KHDRBS2: variants seen among roughly 807,000 people sequenced by gnomAD.
KHDRBS2 encodes KH domain-containing, RNA-binding, signal transduction-associated protein 2.
In KHDRBS2, 26 loss-of-function variants were observed where a neutral mutation model predicts 44.3. The observed-to-expected ratio is 0.59, with a 90% CI of 0.43 to 0.81. The LOEUF (loss-of-function observed/expected upper bound fraction) is 0.81, where lower values mean the gene tolerates loss of function less well. Ranked by LOEUF, KHDRBS2 falls within the 40% of genes least tolerant of loss-of-function variation. The pLI is 0.00. For missense variants in KHDRBS2, 476 were observed against 433.1 expected, an observed-to-expected ratio of 1.10 and a Z score of -0.88; for synonymous variants, 194 against 151.1, an observed-to-expected ratio of 1.28 and a Z score of -2.08.
At chr6:61,580,247 G>T in the KHDRBS2 span, among the ~76,000 whole-genome samples, 1 of 152,156 alleles carries the variant, frequency 6.6e-6, no homozygotes, top group South Asian at 2.1e-4. Context: ...TGGGCTTCTG[G>T]CATGGGTTGG....
chr6:61,744,438 T>C (rs6912182), intron 6 of KHDRBS2, among the ~76,000 whole-genome samples: 115,398 of 152,018 alleles, frequency 0.76, 44,266 homozygotes, highest in African/African-American at 0.85. Context: ...TAGCTGCAAG[T>C]GCAGTCCTGA....
At chr6:61,602,429 C>T in the KHDRBS2 span, among the ~76,000 whole-genome samples, 3 of 152,154 alleles carry the variant, frequency 2.0e-5, no homozygotes, top group Non-Finnish European at 4.4e-5. Flanking sequence ...CAGGATTCCT[C>T]CTAAGCTGTG....
intron 1 of KHDRBS2, among the ~76,000 whole-genome samples, chr6:62,208,212 T>C (rs1207063080): frequency 1.3e-5 from 2 of 152,148 alleles, no homozygotes; most frequent in African/African-American, 4.8e-5. Flanking sequence ...AATGGCAATA[T>C]CTACAAATTT....
At chr6:61,899,738 C>CCCCA (rs1803599067) in intron 5 of KHDRBS2, among the ~76,000 whole-genome samples, 1 of 139,254 alleles carries the variant, frequency 7.2e-6, no homozygotes, top group Non-Finnish European at 1.6e-5. Flanking sequence ...TTAATGCCCC[C>CCCCA]CCCCCGCATT....
At chr6:62,008,642 T>A (rs1779716530) in intron 3 of KHDRBS2, among the ~76,000 whole-genome samples, 1 of 152,178 alleles carries the variant, frequency 6.6e-6, no homozygotes, top group African/African-American at 2.4e-5. Context: ...GCTCCCATAA[T>A]TCCCATGTGT....
At chr6:61,968,286 G>T (rs1473298517) in intron 4 of KHDRBS2, among the ~76,000 whole-genome samples, 3 of 151,858 alleles carry the variant, frequency 2.0e-5, no homozygotes, top group Non-Finnish European at 4.4e-5. Context: ...TTCTAGATAT[G>T]AGAGTATTCC....
At chr6:61,554,096 G>T in the KHDRBS2 span, among the ~76,000 whole-genome samples, 1 of 152,020 alleles carries the variant, frequency 6.6e-6, no homozygotes, top group Non-Finnish European at 1.5e-5. Flanking sequence ...ATTGCTATTG[G>T]GGTGTTAAAG....
rs368951385 is a variant in KHDRBS2 at position 61,955,454 on chromosome 6, A to G, written c.483+22612T>C. On this transcript the variant is annotated intron_variant, in intron 4 of 8. Coordinates refer to ENST00000281156, the MANE Select transcript of KHDRBS2 (RefSeq NM_152688.4). ...TATGTGTATGTATACATATGTGTAT[A>G]TATACATATGTGTATATATACACAT... Among the ~76,000 whole-genome samples, 3 of 57,404 alleles carry G rather than the reference A, an allele frequency of 5.2e-5. 1 individual carries two copies. Among genetic ancestry groups the G allele is most frequent in the East Asian group, 6.9e-4 (1 of 1,440 alleles). 37.7% of individuals were successfully genotyped at this position (57,404 alleles called of 152,430 possible). A position where few individuals can be genotyped will look rare whatever the true frequency, so the allele number is the denominator to read the frequency against.
chr6:62,051,065 T>C (rs1217659977), intron 2 of KHDRBS2, among the ~76,000 whole-genome samples: 2 of 152,016 alleles, frequency 1.3e-5, no homozygotes, highest in Admixed American at 6.6e-5. Flanking sequence ...AAATAATATA[T>C]GGTGTTAGAC....
At chr6:62,272,198 C>T (rs1229732399) in intron 1 of KHDRBS2, among the ~76,000 whole-genome samples, 1 of 152,150 alleles carries the variant, frequency 6.6e-6, no homozygotes, top group Non-Finnish European at 1.5e-5. Flanking sequence ...GGAACAATAG[C>T]TGTACCATAC....
intron 2 of KHDRBS2, among the ~76,000 whole-genome samples, chr6:62,071,733 G>A (rs1329792047): frequency 6.6e-6 from 1 of 152,108 alleles, no homozygotes; most frequent in Non-Finnish European, 1.5e-5. Flanking sequence ...ATGCTGTTTT[G>A]GTTACTGTAG....
chr6:62,171,962 C>T (rs1417822902), intron 2 of KHDRBS2, among the ~76,000 whole-genome samples: 1 of 152,048 alleles, frequency 6.6e-6, no homozygotes, highest in Non-Finnish European at 1.5e-5. Context: ...CATTATGCAC[C>T]ACCACAAAAA....
At chr6:61,914,340 G>A (rs1806591827) in intron 4 of KHDRBS2, among the ~76,000 whole-genome samples, 1 of 152,034 alleles carries the variant, frequency 6.6e-6, no homozygotes, top group African/African-American at 2.4e-5. Context: ...TACTGAATGT[G>A]GGCTTCCCTC....
At chr6:61,798,386 A>T (rs1785721902) in intron 6 of KHDRBS2, among the ~76,000 whole-genome samples, 1 of 152,130 alleles carries the variant, frequency 6.6e-6, no homozygotes, top group South Asian at 2.1e-4. Context: ...AAGCAGCAAA[A>T]AGAATATGAG....
In KHDRBS2 at chr6:62,006,976, A is replaced by G. The variant is rs1311629463; in HGVS notation, c.337-28764T>C. Among the ~76,000 whole-genome samples the G allele has an allele frequency of 2.0e-5, 3 of 152,030 alleles. No individual in the cohort carries two copies. In the East Asian group the frequency reaches 5.8e-4, roughly 29 times the overall value. On this transcript the variant is annotated intron_variant, in intron 3 of 8. Coordinates refer to ENST00000281156, the MANE Select transcript of KHDRBS2 (RefSeq NM_152688.4). ...CTGAAAGTTAAAAAAATTTCAGGTCATGACAGGCAATATTAACCAAAATAA... is the reference window on the plus strand; with the variant it reads ...CTGAAAGTTAAAAAAATTTCAGGTCGTGACAGGCAATATTAACCAAAATAA...
At chr6:61,681,682 G>C (rs1232312284) in intron 8 of KHDRBS2, among the ~76,000 whole-genome samples, 1 of 151,842 alleles carries the variant, frequency 6.6e-6, no homozygotes, top group Non-Finnish European at 1.5e-5. Flanking sequence ...AAACAACTCA[G>C]TAAATAAAGA....
At chr6:61,860,157 A>ATACTT (rs1218414585) in intron 6 of KHDRBS2, among the ~76,000 whole-genome samples, 1 of 152,000 alleles carries the variant, frequency 6.6e-6, no homozygotes, top group Non-Finnish European at 1.5e-5. Flanking sequence ...AAATAAATCC[A>ATACTT]TACTTAGACA....
intron 6 of KHDRBS2, among the ~76,000 whole-genome samples, chr6:61,733,678 CTT>C (rs895866399): frequency 2.6e-5 from 4 of 151,870 alleles, no homozygotes; most frequent in African/African-American, 9.7e-5. Context: ...TGTGATGAGA[CTT>C]ATTACTCGAG....
intron 6 of KHDRBS2, among the ~76,000 whole-genome samples, chr6:61,770,992 C>T (rs1301615016): frequency 6.6e-6 from 1 of 152,196 alleles, no homozygotes; most frequent in Non-Finnish European, 1.5e-5. Context: ...GATCTCTTGG[C>T]AGAAACTCTA....
Sources: gnomAD v4.1 joint callset for allele counts (sites outside exome capture counted in the v4.1 genomes callset) on GRCh38, gnomAD v4.1.1 for gene constraint, MANE v1.5 for transcripts, NCBI Gene and HGNC (gene_info 2026-07-23, HGNC 2026-07-21) for gene names.